The following NBN variants were observed in gnomAD, a reference collection of about 807,000 sequenced individuals.
NBN encodes Nijmegen breakage syndrome 1 (nibrin).
A neutral mutation model predicts 90.8 loss-of-function variants in NBN; 88 were observed. The observed-to-expected ratio is 0.97, with a 90% CI of 0.82 to 1.16. The LOEUF is 1.16. Among genes scored for constraint, NBN ranks in the 50% most tolerant of loss-of-function variants. NBN has a pLI of 0.00. For missense variants in NBN, 894 were observed against 869.6 expected, an observed-to-expected ratio of 1.03 and a Z score of -0.35; for synonymous variants, 328 against 295.1, an observed-to-expected ratio of 1.11 and a Z score of -1.14.
At chr8:89,941,816 ATTCT>A (rs1409953052) in intron 14 of NBN, among the ~76,000 whole-genome samples, 1 of 152,228 alleles carries the variant, frequency 6.6e-6, no homozygotes, top group Non-Finnish European at 1.5e-5. Context: ...TGTGATTTCC[ATTCT>A]TTCATTTTTT....
At position 89,978,681 on chromosome 8, in the gene NBN, T is replaced by C. The variant is rs570073638; in HGVS notation, c.481-358A>G. Among the ~76,000 whole-genome samples the C allele has an allele frequency of 2.6e-5, 4 of 152,278 alleles. No individual in the cohort carries two copies. In the South Asian group the frequency reaches 8.3e-4, roughly 32 times the overall value. On this transcript the variant is annotated intron_variant, in intron 4 of 15. Coordinates refer to ENST00000265433, the MANE Select transcript of NBN (RefSeq NM_002485.5). ...AAAATGTTAAAAATATATTTCAGAA[T>C]TGAGGAAATGTAACATATCTGCTTC...
chr8:89,980,792 T>C lies in NBN; in HGVS notation c.422A>G (p.Asn141Ser). Residue 141 changes from asparagine to serine, a missense_variant, in exon 4 of 16, where the codon AAC (asparagine) becomes AGC (serine). Transcript: ENST00000265433. ...AILQLGGFTVNNWTEECTHLV... is the reference protein window; with the variant it reads ...AILQLGGFTVSNWTEECTHLV... ...GTGAGTGCATTCTTCTGTCCAATTG[T>C]TTACAGTAAATCCTCCAAGTTGCAA... 2 of 1,613,610 alleles carry C rather than the reference T, an allele frequency of 1.2e-6. No homozygotes were observed. Among genetic ancestry groups the C allele is most frequent in the South Asian group, 2.2e-5 (2 of 91,072 alleles).
chr8:89,972,377 A>G (rs187775420), intron 5 of NBN, among the ~76,000 whole-genome samples: 1 of 152,380 alleles, frequency 6.6e-6, no homozygotes, highest in East Asian at 1.9e-4. Flanking sequence ...TGGAAGCTGC[A>G]ATCTCAAATG....
At chr8:89,982,337 T>C (rs1812109801) in intron 2 of NBN, 2 of 304,572 alleles carry the variant, frequency 6.6e-6, no homozygotes, top group Non-Finnish European at 1.3e-5. Flanking sequence ...CTGTTCATTG[T>C]TCTATTCGCA....
Position 89,955,425 on chromosome 8 carries a change from T to C in NBN, c.1255A>G (p.Asn419Asp), listed in dbSNP as rs730881849. Residue 419 changes from asparagine (N) to aspartate (D), a missense_variant, in exon 10 of 16, where the codon AAT becomes GAT. Transcript: ENST00000265433. Reference sequence around the variant, plus strand: ...GGGATTCTCATCTTAGCCAAAGTATTTGATACCATACTATTATTATTAGAG... The same window carrying C: ...GGGATTCTCATCTTAGCCAAAGTATCTGATACCATACTATTATTATTAGAG... ...TSSNNNSMVS[N>D]TLAKMRIPNY... is the part of the protein sequence containing the mutation. 6 of 1,613,870 alleles carry C rather than the reference T, an allele frequency of 3.7e-6. No individual in the cohort carries two copies. Among genetic ancestry groups the C allele is most frequent in the Non-Finnish European group, 5.1e-6 (6 of 1,179,826 alleles).
intron 2 of NBN, 151 bp downstream of exon 2, chr8:89,982,571 A>G (rs925922402): frequency 4.3e-6 from 3 of 703,596 alleles, no homozygotes; most frequent in South Asian, 1.7e-5. Context: ...CTGCCACAAT[A>G]TAAGTATTTA....
chr8:89,973,105 C>A (rs2293775), intron 5 of NBN, among the ~76,000 whole-genome samples: 19 of 152,016 alleles, frequency 1.2e-4, no homozygotes, highest in African/African-American at 3.9e-4. Context: ...TTATTAGTGT[C>A]ATTCTTTAAC....
chr8:89,952,847 TAAATGA>T (rs1810503280), intron 11 of NBN, among the ~76,000 whole-genome samples: 1 of 152,168 alleles, frequency 6.6e-6, no homozygotes, highest in South Asian at 2.1e-4. Context: ...TTACAAAACC[TAAATGA>T]AAATGAAAAT....
At chr8:89,945,293 T>A (rs1810136917) in intron 13 of NBN, among the ~76,000 whole-genome samples, 1 of 152,200 alleles carries the variant, frequency 6.6e-6, no homozygotes, top group Non-Finnish European at 1.5e-5. Context: ...AGTGGTGCCA[T>A]TTAAGTGGAA....
Position 89,937,227 on chromosome 8 carries a change from T to C in NBN, c.2185-152A>G, listed in dbSNP as rs907441108. On this transcript the variant is annotated intron_variant, in intron 14 of 15. Transcript: ENST00000265433. Reference sequence around the variant, plus strand: ...TTGCCTCTACAATATTTCATTCAACTGATCCTCTATATTTTCAATCCATGC... The same window carrying C: ...TTGCCTCTACAATATTTCATTCAACCGATCCTCTATATTTTCAATCCATGC... 1.6e-5 allele frequency: 11 copies of C among 669,540 alleles called. No individual in the cohort carries two copies. The Admixed American group carries it at 2.4e-4, about 15-fold the overall frequency. 41.5% of individuals were successfully genotyped at this position (669,540 alleles called of 1,614,324 possible). A position where few individuals can be genotyped will look rare whatever the true frequency, so the allele number is the denominator to read the frequency against.
Position 89,935,547 on chromosome 8 carries a change from G to A in NBN, c.*35C>T. 1 of 1,609,588 alleles carries A rather than the reference G, an allele frequency of 6.2e-7. No homozygotes were observed. Among genetic ancestry groups the A allele is most frequent in the Non-Finnish European group, 8.5e-7 (1 of 1,176,888 alleles). On this transcript the variant is annotated 3_prime_UTR_variant, in exon 16 of 16. Coordinates refer to ENST00000265433, the MANE Select transcript of NBN (RefSeq NM_002485.5). ...TTGGCCTGAAGTAGATGCTTACTAG[G>A]AAGTTTTTCCATGGCTTCTTTTTAA...
At chr8:89,972,299 A>T (rs1811555039) in intron 5 of NBN, among the ~76,000 whole-genome samples, 1 of 152,238 alleles carries the variant, frequency 6.6e-6, no homozygotes, top group Non-Finnish European at 1.5e-5. Flanking sequence ...AATTTTTTTG[A>T]TAACTGATGC....
chr8:89,936,897 A>T, intron 15 of NBN, 129 bp downstream of exon 15: 1 of 705,812 alleles, frequency 1.4e-6, no homozygotes, highest in Non-Finnish European at 2.5e-6. Context: ...ATAAAAATAA[A>T]CACTTGTGTT....
At chr8:89,946,662 A>G (rs547055325) in intron 12 of NBN, 1 of 245,570 alleles carries the variant, frequency 4.1e-6, no homozygotes, top group Admixed American at 5.3e-5. Flanking sequence ...TTTTCATTAA[A>G]ATTGTACACT....
intron 5 of NBN, among the ~76,000 whole-genome samples, chr8:89,973,978 A>G (rs190403180): frequency 1.3e-5 from 2 of 152,290 alleles, no homozygotes; most frequent in Non-Finnish European, 2.9e-5. Flanking sequence ...ATAAAATGAT[A>G]TTAATCTAGA....
intron 14 of NBN, among the ~76,000 whole-genome samples, chr8:89,938,595 T>C (rs773096516): frequency 4.6e-5 from 7 of 152,072 alleles, no homozygotes; most frequent in Non-Finnish European, 7.4e-5. Context: ...CTGCAGAAGA[T>C]AGGGGAACTC....
intron 1 of NBN, 52 bp downstream of exon 1, chr8:89,984,473 G>A (rs1313917463): frequency 6.5e-7 from 1 of 1,549,792 alleles, no homozygotes; most frequent in African/African-American, 1.4e-5. Flanking sequence ...GCCCTCCCCC[G>A]AGGCAGTCGC....
chr8:89,958,120 C>T (rs1383609846), intron 9 of NBN, among the ~76,000 whole-genome samples: 2 of 152,072 alleles, frequency 1.3e-5, no homozygotes, highest in Non-Finnish European at 2.9e-5. Flanking sequence ...GTTTGTGCTC[C>T]TATGAGAATC....
At chr8:89,973,143 G>A (rs950390261) in intron 5 of NBN, among the ~76,000 whole-genome samples, 7 of 152,112 alleles carry the variant, frequency 4.6e-5, no homozygotes, top group African/African-American at 1.7e-4. Context: ...AGTGCCATGA[G>A]GGCAGAAACT....
Sources: gnomAD v4.1 joint callset for allele counts (sites outside exome capture counted in the v4.1 genomes callset) on GRCh38, gnomAD v4.1.1 for gene constraint, MANE v1.5 for transcripts, NCBI Gene and HGNC (gene_info 2026-07-23, HGNC 2026-07-21) for gene names.